SLF2: variants seen among roughly 807,000 people sequenced by gnomAD.
SLF2 encodes SMC5/6 complex localization factor 2.
A neutral mutation model predicts 124.3 loss-of-function variants in SLF2; 68 were observed. That is an observed-to-expected ratio of 0.55 (90% CI 0.45 to 0.67). The LOEUF is 0.67. SLF2 is among the 30% of genes least tolerant of loss of function. SLF2 has a pLI of 0.00. For synonymous variants in SLF2, 480 were observed against 478.8 expected (o/e 1.00, Z -0.03); for missense variants, 1,246 against 1,373.7 (o/e 0.91, Z 1.47).
Position 100,924,040 on chromosome 10 carries a change from A to C in SLF2, c.1039A>C (p.Ser347Arg). ...KRNSVDSDLK[S>R]TRESMIPKAR... ...GAACTCTGTGGACTCAGATCTGAAA[A>C]GCACAAGAGAATCTATGATACCAAA... Residue 347 changes from serine (S) to arginine (R), a missense_variant, in exon 5 of 20, where the codon AGC becomes CGC. Transcript: ENST00000238961. The C allele has an allele frequency of 6.3e-7, 1 of 1,598,542 alleles. No homozygotes were observed. Among genetic ancestry groups the C allele is most frequent in the Non-Finnish European group, 8.5e-7 (1 of 1,175,512 alleles).
chr10:100,915,752 A>G (rs991687144), intron 1 of SLF2, among the ~76,000 whole-genome samples: 1 of 152,152 alleles, frequency 6.6e-6, no homozygotes, highest in African/African-American at 2.4e-5. Context: ...AGTCTGACCT[A>G]TTTAAGTACT....
At position 100,944,078 on chromosome 10, in the gene SLF2, A is replaced by T. The variant is rs1374237659; in HGVS notation, c.2707A>T (p.Lys903Ter). 3 of 1,613,066 alleles carry T rather than the reference A, an allele frequency of 1.9e-6. No individual in the cohort carries two copies. Among genetic ancestry groups the T allele is most frequent in the Non-Finnish European group, 2.5e-6 (3 of 1,179,662 alleles). Residue 903 changes from lysine to a stop codon, truncating the protein, a stop_gained, in exon 12 of 20, where the codon AAG becomes TAG. Coordinates refer to ENST00000238961, the MANE Select transcript of SLF2 (RefSeq NM_018121.4). LOFTEE classifies it high-confidence loss of function. ...RGKESEDSSY[K>*]PIFSTLPETN... ...GAAAGAAAGTGAAGATTCATCTTAT[A>T]AGCCAATTTTTTCAACACTTCCTGA... is the stretch of plus-strand genomic sequence containing the variant.
chr10:100,913,541 C>A, intron 1 of SLF2: 3 of 1,242,196 alleles, frequency 2.4e-6, no homozygotes, highest in Non-Finnish European at 3.0e-6. Context: ...AAGAGTTTGA[C>A]CCGGGACCCT....
rs1189327510 is a variant in SLF2 at position 100,964,526 on chromosome 10, CT to C, written c.*2615del. 6 of 152,652 alleles carry C rather than the reference CT, an allele frequency of 3.9e-5. No individual in the cohort carries two copies. In the South Asian group the frequency reaches 1.2e-3, roughly 32 times the overall value. The allele number at this position is 152,652 out of a possible 1,614,324, so 9.5% of individuals were successfully genotyped here. ...ACAGCATTTGTACATTTTCTATCTCCTGATGGCAGTGGTGCCTTTGTCACCT... is the reference window on the plus strand; with the variant it reads ...ACAGCATTTGTACATTTTCTATCTCCGATGGCAGTGGTGCCTTTGTCACCT... On this transcript the variant is annotated 3_prime_UTR_variant, in exon 20 of 20. Transcript: ENST00000238961.
intron 14 of SLF2, 79 bp from the exon 15 acceptor site, chr10:100,947,681 C>G: frequency 1.1e-6 from 1 of 916,428 alleles, no homozygotes; most frequent in Non-Finnish European, 1.7e-6. Flanking sequence ...AGAACTAGAG[C>G]TCCTCTTGGC....
chr10:100,948,560 C>G (rs578055996), intron 15 of SLF2, among the ~76,000 whole-genome samples: 1 of 152,236 alleles, frequency 6.6e-6, no homozygotes, highest in South Asian at 2.1e-4. Flanking sequence ...ATTGATAGCA[C>G]TAATGGGGCT....
chr10:100,918,323 A>C, intron 3 of SLF2, 61 bp from the exon 4 acceptor site: 2 of 1,050,118 alleles, frequency 1.9e-6, no homozygotes, highest in Non-Finnish European at 2.8e-6. Flanking sequence ...GTTAGGAAGA[A>C]TGCCTTCACA....
chr10:100,937,662 G>T (rs1217636249), intron 10 of SLF2, among the ~76,000 whole-genome samples, 185 bp downstream of exon 10: 4 of 151,356 alleles, frequency 2.6e-5, no homozygotes, highest in African/African-American at 9.7e-5. Context: ...GGGCTGAAGT[G>T]CAGTGACACA....
At chr10:100,951,964 C>T (rs1267712138) in intron 17 of SLF2, among the ~76,000 whole-genome samples, 1 of 152,218 alleles carries the variant, frequency 6.6e-6, no homozygotes, top group Non-Finnish European at 1.5e-5. Context: ...GTCGGACATG[C>T]CGGGCACGGT....
intron 1 of SLF2, 58 bp from the exon 2 acceptor site, chr10:100,915,941 G>A (rs902879697): frequency 1.0e-5 from 13 of 1,289,914 alleles, no homozygotes; most frequent in Non-Finnish European, 1.3e-5. Flanking sequence ...CATTTAATCT[G>A]AGTTATGAAG....
At chr10:100,936,787 T>C (rs924668619) in intron 9 of SLF2, among the ~76,000 whole-genome samples, 2 of 152,170 alleles carry the variant, frequency 1.3e-5, no homozygotes, top group Non-Finnish European at 2.9e-5. Context: ...TTTTTTGGTT[T>C]CATGTCATGC....
At chr10:100,949,783 G>T (rs1381345638) in intron 15 of SLF2, among the ~76,000 whole-genome samples, 1 of 151,874 alleles carries the variant, frequency 6.6e-6, no homozygotes, top group Non-Finnish European at 1.5e-5. Context: ...TTTAGTAGAG[G>T]CGGGGTTTCT....
intron 8 of SLF2, 87 bp from the exon 9 acceptor site, chr10:100,930,889 C>G (rs569987753): frequency 1.0e-6 from 1 of 1,002,156 alleles, no homozygotes; most frequent in African/African-American, 1.6e-5. Flanking sequence ...GCTCATTTCT[C>G]TGATTATGTC....
At chr10:100,947,215 T>C in intron 14 of SLF2, 79 bp downstream of exon 14, 1 of 813,654 alleles carries the variant, frequency 1.2e-6, no homozygotes, top group Non-Finnish European at 1.9e-6. Context: ...TTTATTTCCA[T>C]TCATCATTCT....
intron 8 of SLF2, among the ~76,000 whole-genome samples, chr10:100,930,259 A>G (rs1251911316): frequency 2.0e-5 from 3 of 152,224 alleles, no homozygotes; most frequent in African/African-American, 7.2e-5. Context: ...ATAGTGGTTT[A>G]AACAAGAAGT....
chr10:100,955,515 A>G (rs1443014565), intron 17 of SLF2, among the ~76,000 whole-genome samples: 2 of 152,084 alleles, frequency 1.3e-5, no homozygotes, highest in Non-Finnish European at 2.9e-5. Flanking sequence ...ATCTCAACAC[A>G]TTGGGAGTCT....
chr10:100,922,613 A>G (rs181209185), intron 4 of SLF2, among the ~76,000 whole-genome samples: 5 of 151,902 alleles, frequency 3.3e-5, no homozygotes, highest in Admixed American at 3.3e-4. Flanking sequence ...CAAATAGTGA[A>G]TTTTTTGTGT....
chr10:100,947,203 T>G, intron 14 of SLF2, 67 bp downstream of exon 14: 1 of 911,874 alleles, frequency 1.1e-6, no homozygotes. Flanking sequence ...TGCCTTGGGT[T>G]GTTTATTTCC....
chr10:100,938,743 T>G lies in SLF2; in HGVS notation c.2654+7T>G. On this transcript the variant is annotated splice_region_variant and intron_variant, in intron 11 of 19. Coordinates refer to ENST00000238961, the MANE Select transcript of SLF2 (RefSeq NM_018121.4). ...TTAATGAAGACTATCTAGTGTAAGT[T>G]TTCTCATCATAATTAACGCCAAAAA... The G allele has an allele frequency of 6.3e-7, 1 of 1,592,324 alleles. No homozygotes were observed. The highest frequency in any genetic ancestry group is 1.7e-4 in the Middle Eastern group (1 of 5,984).
Sources: allele counts gnomAD v4.1 joint callset (sites outside exome capture counted in the v4.1 genomes callset), GRCh38; gene constraint gnomAD v4.1.1; transcripts MANE v1.5; gene names NCBI Gene and HGNC (gene_info 2026-07-23, HGNC 2026-07-21).